The following ACOXL variants were observed in gnomAD, a reference collection of about 807,000 sequenced individuals.
The protein encoded by ACOXL is acyl-coenzyme A oxidase-like protein.
ACOXL carries 70 observed loss-of-function variants against 71.9 expected under a neutral mutation model. The observed-to-expected ratio is 0.97, with a 90% CI of 0.80 to 1.19. ACOXL has a LOEUF of 1.19. Ranked by LOEUF, ACOXL falls within the 50% of genes most tolerant of loss-of-function variation. The pLI is 0.00. For synonymous variants in ACOXL, 253 were observed against 281.6 expected (o/e 0.90, Z 1.02); for missense variants, 703 against 736.3 (o/e 0.95, Z 0.52).
chr2:110,920,165 T>C (rs902702442), intron 11 of ACOXL, among the ~76,000 whole-genome samples: 1 of 152,232 alleles, frequency 6.6e-6, no homozygotes, highest in Non-Finnish European at 1.5e-5. Context: ...AGTGGTTGTA[T>C]CATTTTGTGT....
chr2:110,804,330 G>A (rs571922426), intron 8 of ACOXL, among the ~76,000 whole-genome samples: 11 of 152,282 alleles, frequency 7.2e-5, no homozygotes, highest in African/African-American at 2.6e-4. Flanking sequence ...GTGTTGGGGA[G>A]GATGTAGAGA....
In ACOXL at chr2:111,084,868, G is replaced by A. The variant is rs2068123319; in HGVS notation, c.1441-7997G>A. Reference sequence around the variant, plus strand: ...CCCATAGGCTCAAAATGAAGGGATGGTGAAAAATCTACCAAGCAAATGGAA... The same window carrying A: ...CCCATAGGCTCAAAATGAAGGGATGATGAAAAATCTACCAAGCAAATGGAA... On this transcript the variant is annotated intron_variant, in intron 16 of 17. Coordinates refer to ENST00000439055, the MANE Select transcript of ACOXL (RefSeq NM_001142807.4). 2.0e-5 allele frequency among the ~76,000 whole-genome samples: 3 copies of A among 148,578 alleles called. No individual in the cohort carries two copies. In the South Asian group the frequency reaches 6.4e-4, roughly 32 times the overall value.
chr2:110,906,835 G>C (rs1272247267), intron 10 of ACOXL, among the ~76,000 whole-genome samples: 1 of 152,190 alleles, frequency 6.6e-6, no homozygotes, highest in Non-Finnish European at 1.5e-5. Flanking sequence ...AATGTCCAGT[G>C]CCTAGCATGA....
At chr2:111,028,604 T>C (rs973794925) in intron 14 of ACOXL, among the ~76,000 whole-genome samples, 6 of 152,196 alleles carry the variant, frequency 3.9e-5, no homozygotes, top group African/African-American at 1.4e-4. Flanking sequence ...CCTTTACCTT[T>C]AAGTATGATG....
chr2:111,089,906 G>A (rs938147994), intron 16 of ACOXL, among the ~76,000 whole-genome samples: 2 of 152,200 alleles, frequency 1.3e-5, no homozygotes, highest in Non-Finnish European at 2.9e-5. Flanking sequence ...CCTTGGAGAA[G>A]AGAATTAACC....
chr2:110,762,397 T>C (rs1680520582), intron 1 of ACOXL, among the ~76,000 whole-genome samples: 1 of 152,178 alleles, frequency 6.6e-6, no homozygotes, highest in Admixed American at 6.5e-5. Context: ...TTCTTCTGTT[T>C]CTTATTTCTC....
intron 2 of ACOXL, among the ~76,000 whole-genome samples, chr2:110,774,305 C>T (rs573083479): frequency 6.6e-6 from 1 of 152,134 alleles, no homozygotes; most frequent in African/African-American, 2.4e-5. Flanking sequence ...AACTAATAAA[C>T]AAAGTAAATT....
chr2:111,065,250 G>T (rs1004801433), intron 16 of ACOXL, among the ~76,000 whole-genome samples: 1 of 152,186 alleles, frequency 6.6e-6, no homozygotes, highest in Non-Finnish European at 1.5e-5. Flanking sequence ...CTCCAGTGAA[G>T]TAAGATAGCC....
At chr2:110,850,542 A>G (rs1397217563) in intron 10 of ACOXL, among the ~76,000 whole-genome samples, 1 of 152,248 alleles carries the variant, frequency 6.6e-6, no homozygotes, top group African/African-American at 2.4e-5. Context: ...AAGGAAATGC[A>G]AATTAAGGTA....
chr2:111,062,238 A>G (rs892798608), intron 16 of ACOXL, among the ~76,000 whole-genome samples: 7 of 152,228 alleles, frequency 4.6e-5, no homozygotes, highest in African/African-American at 1.4e-4. Flanking sequence ...AAGACAGTCT[A>G]TATTAACAAA....
At chr2:110,843,756 C>T (rs1691464216) in intron 10 of ACOXL, among the ~76,000 whole-genome samples, 1 of 152,202 alleles carries the variant, frequency 6.6e-6, no homozygotes, top group African/African-American at 2.4e-5. Context: ...GCTGTGTTTC[C>T]AGAGATGTTT....
chr2:110,886,351 A>G (rs1323474562), intron 10 of ACOXL, among the ~76,000 whole-genome samples: 1 of 142,442 alleles, frequency 7.0e-6, no homozygotes, highest in Non-Finnish European at 1.5e-5. Flanking sequence ...ACTGGCTTGG[A>G]CTCTGGACTT....
intron 9 of ACOXL, among the ~76,000 whole-genome samples, chr2:110,805,853 G>A (rs1686573754): frequency 6.6e-6 from 1 of 152,198 alleles, no homozygotes; most frequent in Admixed American, 6.5e-5. Flanking sequence ...ACCTCCAGGA[G>A]CCATCTCTGC....
At chr2:110,812,491 T>C (rs181293727) in intron 9 of ACOXL, among the ~76,000 whole-genome samples, 10 of 152,360 alleles carry the variant, frequency 6.6e-5, no homozygotes, top group Non-Finnish European at 1.2e-4. Flanking sequence ...TAGACCCCAC[T>C]GTCTGTTGTT....
chr2:111,085,465 G>T, intron 16 of ACOXL, among the ~76,000 whole-genome samples: 1 of 152,092 alleles, frequency 6.6e-6, no homozygotes, highest in Non-Finnish European at 1.5e-5. Context: ...TAAACAACCT[G>T]CTCTGAATGA....
At chr2:110,932,619 A>G (rs1221975875) in intron 11 of ACOXL, among the ~76,000 whole-genome samples, 1 of 152,194 alleles carries the variant, frequency 6.6e-6, no homozygotes, top group Non-Finnish European at 1.5e-5. Flanking sequence ...AGTGGAATTA[A>G]AAAGTTACAA....
At chr2:110,962,076 T>G (rs2061719334) in intron 12 of ACOXL, among the ~76,000 whole-genome samples, 1 of 152,214 alleles carries the variant, frequency 6.6e-6, no homozygotes, top group African/African-American at 2.4e-5. Flanking sequence ...TCAAGAACAT[T>G]CCAACACAAT....
At chr2:110,832,626 C>G (rs1400371265) in intron 9 of ACOXL, among the ~76,000 whole-genome samples, 2 of 150,400 alleles carry the variant, frequency 1.3e-5, no homozygotes, top group Non-Finnish European at 3.0e-5. Flanking sequence ...TACCTTGTTA[C>G]AAGGATGAAA....
intron 10 of ACOXL, among the ~76,000 whole-genome samples, chr2:110,870,354 T>A (rs1046418702): frequency 1.3e-5 from 2 of 151,972 alleles, no homozygotes; most frequent in Non-Finnish European, 2.9e-5. Flanking sequence ...TTTTTTTTTT[T>A]AAAGAAGTAA....
Sources: gnomAD v4.1 joint callset for allele counts (sites outside exome capture counted in the v4.1 genomes callset) on GRCh38, gnomAD v4.1.1 for gene constraint, MANE v1.5 for transcripts, NCBI Gene and HGNC (gene_info 2026-07-23, HGNC 2026-07-21) for gene names.